The following ZIC2 variants were observed in gnomAD, a reference collection of about 807,000 sequenced individuals.
ZIC2 encodes the protein Zic family zinc finger 2, also known as zinc finger protein ZIC 2.
In ZIC2, 7 loss-of-function variants were observed where a neutral mutation model predicts 29.5. That is an observed-to-expected ratio of 0.24 (90% CI 0.14 to 0.45). The LOEUF is 0.45. ZIC2 is among the 20% of genes least tolerant of loss of function. The pLI is 1.00. For missense variants in ZIC2, 589 were observed against 781.2 expected, an observed-to-expected ratio of 0.75 and a Z score of 2.93; for synonymous variants, 408 against 354.2, an observed-to-expected ratio of 1.15 and a Z score of -1.70.
Position 99,985,181 on chromosome 13 carries a change from C to T in ZIC2, c.1239+72C>T. 2 of 1,610,568 alleles carry T rather than the reference C, an allele frequency of 1.2e-6. No individual in the cohort carries two copies. The highest frequency in any genetic ancestry group is 1.7e-6 in the Non-Finnish European group (2 of 1,178,070). On this transcript the variant is annotated intron_variant, in intron 2 of 2. Transcript: ENST00000376335. This position sits in a 1 kb window ranked among gnomAD's most constrained non-coding sequence, Gnocchi z 6.3. ...GGTGCAGCACTGGCCCGGACCACCTCAGCCGGCCTGGGAGGGTCCCCAGGG... is the reference window on the plus strand; with the variant it reads ...GGTGCAGCACTGGCCCGGACCACCTTAGCCGGCCTGGGAGGGTCCCCAGGG...
chr13:99,982,058 G>C lies in ZIC2; in HGVS notation c.-7G>C, dbSNP rs2053235989. The C allele has an allele frequency of 2.4e-6, 3 of 1,230,002 alleles. No homozygotes were observed. Among genetic ancestry groups the C allele is most frequent in the Non-Finnish European group, 3.0e-6 (3 of 988,256 alleles). 76.2% of individuals were successfully genotyped at this position (1,230,002 alleles called of 1,614,324 possible). A position where few individuals can be genotyped will look rare whatever the true frequency, so the allele number is the denominator to read the frequency against. On this transcript the variant is annotated 5_prime_UTR_variant, in exon 1 of 3. Transcript: ENST00000376335. ...AGGGCTCGCAGGGGCGGGCGGGCGCGCTGGCCATGCTCCTGGACGCGGGTC... is the reference window on the plus strand; with the variant it reads ...AGGGCTCGCAGGGGCGGGCGGGCGCCCTGGCCATGCTCCTGGACGCGGGTC...
chr13:99,984,974 G>A lies in ZIC2; in HGVS notation c.1104G>A (p.Glu368=), dbSNP rs1342025435. 5 of 1,614,012 alleles carry A rather than the reference G, an allele frequency of 3.1e-6. No homozygotes were observed. The East Asian group carries it at 6.7e-5, about 22-fold the overall frequency. The change falls in exon 2 of 3, where the codon GAG becomes GAA. Residue 368 remains glutamate (E), a synonymous_variant. Transcript: ENST00000376335. ...TGEKPFQCEF[E]GCDRRFANSS... ...AGAAGCCGTTCCAGTGTGAGTTTGA[G>A]GGCTGCGACCGGCGCTTCGCCAACA...
Position 99,982,136 on chromosome 13 carries a change from C to T in ZIC2, c.72C>T (p.Ser24=). Residue 24 remains serine (S), a synonymous_variant, in exon 1 of 3, where the codon TCC becomes TCT. Transcript: ENST00000376335. ...GCTTCGCGCGCCACCATCACCACTC[C>T]GCCGCGGCGGCGGCGGCGGCTGCCG... ...VGSFARHHHH[S]AAAAAAAAAE... 2 of 1,329,538 alleles carry T rather than the reference C, an allele frequency of 1.5e-6. No individual in the cohort carries two copies. The highest frequency in any genetic ancestry group is 1.5e-5 in the African/African-American group (1 of 65,112). 82.4% of individuals were successfully genotyped at this position (1,329,538 alleles called of 1,614,324 possible). A position where few individuals can be genotyped will look rare whatever the true frequency, so the allele number is the denominator to read the frequency against.
In ZIC2 at chr13:99,985,246, C is replaced by G. The variant is rs1156324111; in HGVS notation, c.1240-77C>G. The G allele has an allele frequency of 6.2e-7, 1 of 1,603,142 alleles. No homozygotes were observed. Among genetic ancestry groups the G allele is most frequent in the Non-Finnish European group, 8.5e-7 (1 of 1,178,008 alleles). ...GGGAACATTTCTGGGGGTGCTCTCC[C>G]CCAGGGGCCCGGCCCCACAGCAGCT... On this transcript the variant is annotated intron_variant, in intron 2 of 2. Transcript: ENST00000376335. This position sits in a 1 kb window ranked among gnomAD's most constrained non-coding sequence, Gnocchi z 6.3.
Position 99,982,371 on chromosome 13 carries a change from G to A in ZIC2, c.307G>A (p.Ala103Thr), listed in dbSNP as rs755994573. 3.4e-6 allele frequency: 5 copies of A among 1,477,446 alleles called. No homozygotes were observed. The highest frequency in any genetic ancestry group is 4.7e-4 in the Middle Eastern group (2 of 4,226). 91.5% of individuals were successfully genotyped at this position (1,477,446 alleles called of 1,614,324 possible). A position where few individuals can be genotyped will look rare whatever the true frequency, so the allele number is the denominator to read the frequency against. The change falls in exon 1 of 3, where the codon GCG becomes ACG. Residue 103 changes from alanine to threonine, a missense_variant. Coordinates refer to ENST00000376335, the MANE Select transcript of ZIC2 (RefSeq NM_007129.5). ...GGCCGCAGCGCTCGGGCCCCACGCC[G>A]CGCACGTTGGCTCCTACTCTGGGCC... ...AAAAALGPHA[A>T]HVGSYSGPPF...
chr13:99,982,259 C>A lies in ZIC2; in HGVS notation c.195C>A (p.Gly65=). ...TGGGAGCCTTCAAGCTCAACCCGGG[C>A]GCGCACGAGCTGTCCCCGGGCCAGA... The part of the protein sequence containing the change: ...AHMGAFKLNP[G]AHELSPGQSS... The change falls in exon 1 of 3, where the codon GGC becomes GGA. Residue 65 remains glycine, a synonymous_variant. Coordinates refer to ENST00000376335, the MANE Select transcript of ZIC2 (RefSeq NM_007129.5). 3 of 1,506,702 alleles carry A rather than the reference C, an allele frequency of 2.0e-6. No homozygotes were observed. The highest frequency in any genetic ancestry group is 2.8e-5 in the East Asian group (1 of 35,880). 93.3% of individuals were successfully genotyped at this position (1,506,702 alleles called of 1,614,324 possible). A position where few individuals can be genotyped will look rare whatever the true frequency, so the allele number is the denominator to read the frequency against.
chr13:99,985,328 T>C lies in ZIC2; in HGVS notation c.1245T>C (p.His415=). ...TCCCGGCTTTTGTCTTGCAGGTCCATGAGTCCTCCCCGCAGGGCTCTGAAT... is the reference window on the plus strand; with the variant it reads ...TCCCGGCTTTTGTCTTGCAGGTCCACGAGTCCTCCCCGCAGGGCTCTGAAT... ...PSSLRKHMKV[H]ESSPQGSESS... Residue 415 remains histidine (H), a synonymous_variant, in exon 3 of 3, where the codon CAT becomes CAC. Coordinates refer to ENST00000376335, the MANE Select transcript of ZIC2 (RefSeq NM_007129.5). The surrounding 1 kb of genome is among the most constrained non-coding windows in gnomAD (Gnocchi z 6.3). 6.3e-7 allele frequency: 1 copy of C among 1,598,178 alleles called. No homozygotes were observed. The highest frequency in any genetic ancestry group is 8.5e-7 in the Non-Finnish European group (1 of 1,179,312).
At position 99,982,719 on chromosome 13, in the gene ZIC2, A is replaced by G; in HGVS notation, c.655A>G (p.Met219Val). The stretch of plus-strand genomic sequence containing the variant: ...CCACAACCAGTACGGCCCCATGAAT[A>G]TGAACATGGGTATGAACATGGCAGC... ...QLHNQYGPMN[M>V]NMGMNMAAAA... is the part of the protein sequence containing the mutation. Residue 219 changes from methionine (M) to valine (V), a missense_variant, in exon 1 of 3, where the codon ATG (methionine) becomes GTG (valine). By Grantham distance (21) the Met-to-Val change is conservative. Transcript: ENST00000376335. 1 of 1,601,250 alleles carries G rather than the reference A, an allele frequency of 6.2e-7. No individual in the cohort carries two copies. Among genetic ancestry groups the G allele is most frequent in the Non-Finnish European group, 8.5e-7 (1 of 1,179,918 alleles).
chr13:99,984,766 G>C, intron 1 of ZIC2, 180 bp from the exon 2 acceptor site: 1 of 672,494 alleles, frequency 1.5e-6, no homozygotes, highest in Non-Finnish European at 2.6e-6. Flanking sequence ...GAGCAGGACT[G>C]TCGGGCGGGA....
In ZIC2 at chr13:99,985,487, GGCC is replaced by G; in HGVS notation, c.1407_1409del (p.Ala470del). ...CGGCGGCGGCGGCTGCGGCGGCGGC[GGCC>G]GCGGTGTCCGCGGTGCACCGGGGCG... On this transcript the variant is annotated inframe_deletion, in exon 3 of 3. Transcript: ENST00000376335. The surrounding 1 kb of genome is among the most constrained non-coding windows in gnomAD (Gnocchi z 6.3). 2 of 1,251,448 alleles carry G rather than the reference GGCC, an allele frequency of 1.6e-6. No homozygotes were observed. Among genetic ancestry groups the G allele is most frequent in the Non-Finnish European group, 2.0e-6 (2 of 1,005,930 alleles). The allele number at this position is 1,251,448 out of a possible 1,614,324, so 77.5% of individuals were successfully genotyped here. A position where few individuals can be genotyped will look rare whatever the true frequency, so the allele number is the denominator to read the frequency against.
At chr13:99,984,797 G>T in intron 1 of ZIC2, 149 bp from the exon 2 acceptor site, 3 of 859,086 alleles carry the variant, frequency 3.5e-6, no homozygotes, top group Non-Finnish European at 5.6e-6. Flanking sequence ...TTTGATCTTA[G>T]TTCTGCCGCA....
At position 99,985,529 on chromosome 13, in the gene ZIC2, T is replaced by G; in HGVS notation, c.1446T>G (p.Ser482Arg). 4.0e-6 allele frequency: 4 copies of G among 1,009,522 alleles called. No homozygotes were observed. Among genetic ancestry groups the G allele is most frequent in the Non-Finnish European group, 4.7e-6 (4 of 850,290 alleles). The allele number at this position is 1,009,522 out of a possible 1,614,324, so 62.5% of individuals were successfully genotyped here. The change falls in exon 3 of 3, where the codon AGT becomes AGG. Residue 482 changes from serine (S) to arginine (R), a missense_variant. Ser to Arg is a moderately radical substitution (Grantham distance 110). Transcript: ENST00000376335. The surrounding 1 kb of genome is among the most constrained non-coding windows in gnomAD (Gnocchi z 6.3). ...TGCACCGGGGCGGAGGCTCGGGCAG[T>G]GGCGGCGCGGGAGGCGGCTCAGGCG... is the stretch of plus-strand genomic sequence containing the variant. Reference protein sequence around the residue: ...SAVHRGGGSGSGGAGGGSGGG... With the variant: ...SAVHRGGGSGRGGAGGGSGGG...
rs951903329 is a variant in ZIC2, at chr13:99,982,400, C to T, written c.336C>T (p.Pro112=). Residue 112 remains proline (P), a synonymous_variant, in exon 1 of 3, where the codon CCC becomes CCT. Coordinates refer to ENST00000376335, the MANE Select transcript of ZIC2 (RefSeq NM_007129.5). ...ACGTTGGCTCCTACTCTGGGCCGCC[C>T]TTCAACTCCACCCGGGACTTCCTGT... ...AAHVGSYSGP[P]FNSTRDFLFR... is the part of the protein sequence containing the mutation. 1 of 1,477,314 alleles carries T rather than the reference C, an allele frequency of 6.8e-7. No individual in the cohort carries two copies. Among genetic ancestry groups the T allele is most frequent in the East Asian group, 2.9e-5 (1 of 34,322 alleles). 91.5% of individuals were successfully genotyped at this position (1,477,314 alleles called of 1,614,324 possible). A position where few individuals can be genotyped will look rare whatever the true frequency, so the allele number is the denominator to read the frequency against.
Position 99,983,230 on chromosome 13 carries a change from C to G in ZIC2, c.1075+91C>G, listed in dbSNP as rs1239937977. The G allele has an allele frequency of 1.6e-5, 25 of 1,521,766 alleles. No homozygotes were observed. Among genetic ancestry groups the G allele is most frequent in the Admixed American group, 6.7e-5 (3 of 44,580 alleles). The allele number at this position is 1,521,766 out of a possible 1,614,324, so 94.3% of individuals were successfully genotyped here. The stretch of plus-strand genomic sequence containing the variant: ...GTGGGTGCCGACGCTGGGCGCAGAC[C>G]GCCAGCCGGGGACCTGGGATGGGAG... On this transcript the variant is annotated intron_variant, in intron 1 of 2. Transcript: ENST00000376335. The surrounding 1 kb of genome is among the most constrained non-coding windows in gnomAD (Gnocchi z 4.7).
In ZIC2 at chr13:99,985,700, C is replaced by A; in HGVS notation, c.*18C>A. The A allele has an allele frequency of 7.5e-7, 1 of 1,329,508 alleles. No homozygotes were observed. Among genetic ancestry groups the A allele is most frequent in the Non-Finnish European group, 9.9e-7 (1 of 1,014,880 alleles). 82.4% of individuals were successfully genotyped at this position (1,329,508 alleles called of 1,614,324 possible). On this transcript the variant is annotated 3_prime_UTR_variant, in exon 3 of 3. Coordinates refer to ENST00000376335, the MANE Select transcript of ZIC2 (RefSeq NM_007129.5). The surrounding 1 kb of genome is among the most constrained non-coding windows in gnomAD (Gnocchi z 6.3). ...ACGTGTGACGGGTCGGGGCCTCTCT[C>A]CCTCTCCCTGTCCCCACCCCAGCGC...
Position 99,985,835 on chromosome 13 carries a change from AG to A in ZIC2, c.*154del. 9 of 264,526 alleles carry A rather than the reference AG, an allele frequency of 3.4e-5. No homozygotes were observed. Among genetic ancestry groups the A allele is most frequent in the South Asian group, 6.8e-5 (1 of 14,804 alleles). The allele number at this position is 264,526 out of a possible 1,614,324, so 16.4% of individuals were successfully genotyped here. ...TTTTACCAGCAGAAGGATTTTTTAA[AG>A]TTTTTTTTTTTTTTTTAATAATAAT... is the stretch of plus-strand genomic sequence containing the variant. On this transcript the variant is annotated 3_prime_UTR_variant, in exon 3 of 3. Coordinates refer to ENST00000376335, the MANE Select transcript of ZIC2 (RefSeq NM_007129.5). The surrounding 1 kb of genome is among the most constrained non-coding windows in gnomAD (Gnocchi z 6.3).
rs775296747 is a variant in ZIC2 at position 99,983,080 on chromosome 13, G to T, written c.1016G>T (p.Gly339Val). 4 of 1,613,928 alleles carry T rather than the reference G, an allele frequency of 2.5e-6. No homozygotes were observed. The highest frequency in any genetic ancestry group is 3.4e-6 in the Non-Finnish European group (4 of 1,180,016). The change falls in exon 1 of 3, where the codon GGC becomes GTC. Residue 339 changes from glycine (G) to valine (V), a missense_variant. This residue lies in a region of ZIC2 where 33 missense variants were observed against 106.0 expected (regional missense o/e 0.31). Transcript: ENST00000376335. This position sits in a 1 kb window ranked among gnomAD's most constrained non-coding sequence, Gnocchi z 4.7. ...AAACCCTTCCCCTGCCCCTTCCCGG[G>T]CTGTGGCAAAGTCTTCGCGCGCTCC... Reference protein sequence around the residue: ...GEKPFPCPFPGCGKVFARSEN... With the variant: ...GEKPFPCPFPVCGKVFARSEN...
Position 99,981,921 on chromosome 13 carries a change from G to A in ZIC2, c.-144G>A, listed in dbSNP as rs1368212960. The A allele has an allele frequency of 4.0e-6, 5 of 1,238,500 alleles. No homozygotes were observed. The highest frequency in any genetic ancestry group is 3.2e-4 in the Middle Eastern group (1 of 3,088). 76.7% of individuals were successfully genotyped at this position (1,238,500 alleles called of 1,614,324 possible). A position where few individuals can be genotyped will look rare whatever the true frequency, so the allele number is the denominator to read the frequency against. On this transcript the variant is annotated 5_prime_UTR_variant, in exon 1 of 3. Transcript: ENST00000376335. ...CGGCGGAGGCGGCGGGCGCAGGAGA[G>A]CGGCTCCCAGGGCTGAAGTGGCCGC...
chr13:99,982,271 G>A lies in ZIC2; in HGVS notation c.207G>A (p.Leu69=). The change falls in exon 1 of 3, where the codon CTG becomes CTA. Residue 69 remains leucine, a synonymous_variant. Transcript: ENST00000376335. ...AGCTCAACCCGGGCGCGCACGAGCT[G>A]TCCCCGGGCCAGAGCTCGGCGTTCA... is the stretch of plus-strand genomic sequence containing the variant. The part of the protein sequence containing the change: ...AFKLNPGAHE[L]SPGQSSAFTS... 1 of 1,501,068 alleles carries A rather than the reference G, an allele frequency of 6.7e-7. No homozygotes were observed. The allele number at this position is 1,501,068 out of a possible 1,614,324, so 93.0% of individuals were successfully genotyped here.
Sources: allele counts gnomAD v4.1 joint callset, GRCh38; gene constraint gnomAD v4.1.1; regional missense constraint gnomAD v4.1.1; non-coding constraint Gnocchi (gnomAD v3.1); transcripts MANE v1.5; gene names NCBI Gene and HGNC (gene_info 2026-07-23, HGNC 2026-07-21).